Variants in MTFR1 observed in about 807,000 individuals in gnomAD.
The protein encoded by MTFR1 is mitochondrial fission regulator 1, also known as chondrocyte protein with a poly-proline region.
A neutral mutation model predicts 38.8 loss-of-function variants in MTFR1; 28 were observed. The ratio of observed to expected loss-of-function variants is 0.72; its 90% confidence interval spans 0.53 to 0.99. The LOEUF (loss-of-function observed/expected upper bound fraction) is 0.99. Among genes scored for constraint, MTFR1 ranks in the 50% least tolerant of loss-of-function variants. MTFR1 has a pLI of 0.00. For synonymous variants in MTFR1, 145 were observed against 137.0 expected, an observed-to-expected ratio of 1.06 and a Z score of -0.41; for missense variants, 358 against 395.5, an observed-to-expected ratio of 0.91 and a Z score of 0.81.
chr8:65,647,971 C>A (rs545979557), intron 1 of MTFR1, among the ~76,000 whole-genome samples: 1 of 152,166 alleles, frequency 6.6e-6, no homozygotes, highest in South Asian at 2.1e-4. Flanking sequence ...ACGTACTATG[C>A]CTATTTTTCC....
At chr8:65,751,138 G>A (rs974799062) in intron 3 of MTFR1, among the ~76,000 whole-genome samples, 2 of 152,252 alleles carry the variant, frequency 1.3e-5, no homozygotes, top group South Asian at 4.2e-4. Flanking sequence ...AGGGTCTGAG[G>A]GCCTCATACA....
chr8:65,750,578 C>T (rs548763746), intron 3 of MTFR1, among the ~76,000 whole-genome samples: 3 of 150,994 alleles, frequency 2.0e-5, no homozygotes, highest in South Asian at 2.1e-4. Context: ...GCATAAGGTC[C>T]AAAACATGAA....
downstream of MTFR1, among the ~76,000 whole-genome samples, chr8:65,711,503 A>ATAGATAGAT (rs1805944946): frequency 1.3e-5 from 2 of 152,238 alleles, no homozygotes; most frequent in Admixed American, 1.3e-4. Flanking sequence ...GGATTGCCAG[A>ATAGATAGAT]TAGATAGAAT....
chr8:65,670,397 C>G (rs940534751), intron 2 of MTFR1, among the ~76,000 whole-genome samples: 60 of 152,038 alleles, frequency 3.9e-4, no homozygotes, highest in Admixed American at 1.2e-3. Context: ...TTAAACAACA[C>G]AGTTGTTTAA....
chr8:65,730,171 C>CTTTTTTTTTTTTTTTTTTTTTTT lies in MTFR1; in HGVS notation c.*48+10694_*48+10716dup, dbSNP rs1179431555. 1.2e-4 allele frequency among the ~76,000 whole-genome samples: 10 copies of CTTTTTTTTTTTTTTTTTTTTTTT among 86,448 alleles called. 3 individuals are homozygous for CTTTTTTTTTTTTTTTTTTTTTTT. The highest frequency in any genetic ancestry group is 1.4e-4 in the African/African-American group (3 of 20,938). 56.7% of individuals were successfully genotyped at this position (86,448 alleles called of 152,430 possible). A position where few individuals can be genotyped will look rare whatever the true frequency, so the allele number is the denominator to read the frequency against. ...TGTGAGGGATCCAGGTTGCGCACTT[C>CTTTTTTTTTTTTTTTTTTTTTTT]TTTTTTTTTTTTTTTTTTTTTTTTT... On this transcript the variant is annotated intron_variant, in intron 3 of 3. Transcript: ENST00000521247.
chr8:65,665,367 T>C (rs1804352677), intron 1 of MTFR1, among the ~76,000 whole-genome samples: 2 of 152,204 alleles, frequency 1.3e-5, no homozygotes, highest in Non-Finnish European at 2.9e-5. Flanking sequence ...AGAGGATTCA[T>C]TTATAAAACT....
At chr8:65,763,899 A>T (rs7015148) in intron 3 of MTFR1, among the ~76,000 whole-genome samples, 4,006 of 152,326 alleles carry the variant, frequency 0.026, 194 homozygotes, top group African/African-American at 0.09. Context: ...GTATCGGTCA[A>T]TTTCCTAATT....
intron 3 of MTFR1, chr8:65,726,774 G>T: frequency 1.6e-6 from 1 of 627,854 alleles, no homozygotes; most frequent in East Asian, 2.7e-5. Context: ...TGAAAACTGT[G>T]GAACACCTGA....
At chr8:65,778,088 C>T in the MTFR1 span, among the ~76,000 whole-genome samples, 1 of 152,148 alleles carries the variant, frequency 6.6e-6, no homozygotes, top group Non-Finnish European at 1.5e-5. Context: ...AGGTTTTGAC[C>T]TTGCATCCCT....
At chr8:65,707,351 C>G in intron 6 of MTFR1, 95 bp downstream of exon 6, 1 of 1,294,002 alleles carries the variant, frequency 7.7e-7, no homozygotes, top group Non-Finnish European at 1.1e-6. Context: ...AACATGACTG[C>G]CATGAATAGT....
At chr8:65,694,881 A>T (rs1027888608) in intron 4 of MTFR1, among the ~76,000 whole-genome samples, 1 of 152,206 alleles carries the variant, frequency 6.6e-6, no homozygotes, top group East Asian at 1.9e-4. Flanking sequence ...AAACCAGGAG[A>T]CATTGTGGCA....
At chr8:65,681,362 C>T (rs911548813) in intron 2 of MTFR1, among the ~76,000 whole-genome samples, 1 of 152,138 alleles carries the variant, frequency 6.6e-6, no homozygotes, top group African/African-American at 2.4e-5. Flanking sequence ...TCAGGTGATC[C>T]GCCCATTTTG....
chr8:65,696,204 A>G (rs900552945), intron 4 of MTFR1, among the ~76,000 whole-genome samples: 2 of 152,210 alleles, frequency 1.3e-5, no homozygotes, highest in African/African-American at 4.8e-5. Flanking sequence ...ATAAAATAAG[A>G]GCAAACAAGG....
chr8:65,731,327 G>A (rs565791204), intron 3 of MTFR1, among the ~76,000 whole-genome samples: 1 of 152,292 alleles, frequency 6.6e-6, no homozygotes, highest in African/African-American at 2.4e-5. Flanking sequence ...GGACGTGCAG[G>A]GCCAGGCTCT....
intron 2 of MTFR1, among the ~76,000 whole-genome samples, chr8:65,671,957 C>T (rs1804577707): frequency 6.6e-6 from 1 of 152,178 alleles, no homozygotes; most frequent in Non-Finnish European, 1.5e-5. Context: ...ACCAGCCTCC[C>T]ACCCCAAGAC....
chr8:65,754,443 T>C (rs1808120137), intron 3 of MTFR1, among the ~76,000 whole-genome samples: 1 of 151,810 alleles, frequency 6.6e-6, no homozygotes, highest in Non-Finnish European at 1.5e-5. Context: ...GTTCAAACCA[T>C]TCTCCTGCCT....
At chr8:65,744,208 TACAAA>T (rs140231902) in intron 3 of MTFR1, among the ~76,000 whole-genome samples, 8,386 of 151,564 alleles carry the variant, frequency 0.055, 303 homozygotes, top group Non-Finnish European at 0.082. Context: ...TTAGTTGTGT[TACAAA>T]ACAAAACAAA....
At chr8:65,742,963 A>G (rs1807508477) in intron 3 of MTFR1, among the ~76,000 whole-genome samples, 1 of 152,200 alleles carries the variant, frequency 6.6e-6, no homozygotes, top group Non-Finnish European at 1.5e-5. Flanking sequence ...ACTGCTGGCT[A>G]TTTCTTCTGC....
chr8:65,689,607 G>A, intron 3 of MTFR1: 1 of 1,270,482 alleles, frequency 7.9e-7, no homozygotes, highest in Non-Finnish European at 1.0e-6. Flanking sequence ...TCAGTAAGTT[G>A]TCCTTTTCTT....
Sources: gnomAD v4.1 joint callset for allele counts (sites outside exome capture counted in the v4.1 genomes callset) on GRCh38, gnomAD v4.1.1 for gene constraint, MANE v1.5 for transcripts, NCBI Gene and HGNC (gene_info 2026-07-23, HGNC 2026-07-21) for gene names.